The following GPRC6A variants were observed in gnomAD, a reference collection of about 807,000 sequenced individuals.
GPRC6A encodes the protein G protein-coupled receptor family C group 6 member A.
Under a neutral mutation model 47.0 loss-of-function variants are expected in GPRC6A, and 54 were observed. The ratio of observed to expected loss-of-function variants is 1.15; its 90% confidence interval spans 0.92 to 1.44. GPRC6A has a LOEUF of 1.44. Among genes scored for constraint, GPRC6A ranks in the 40% most tolerant of loss-of-function variants. The probability of loss-of-function intolerance (pLI) is 0.00; values close to 1 mark genes in which losing one functional copy is unlikely to be tolerated. For missense variants in GPRC6A, 1,112 were observed against 1,105.5 expected, an observed-to-expected ratio of 1.01 and a Z score of -0.08; for synonymous variants, 347 against 377.1, an observed-to-expected ratio of 0.92 and a Z score of 0.93.
intron 5 of GPRC6A, among the ~76,000 whole-genome samples, chr6:116,794,181 C>T (rs780789224): frequency 3.9e-5 from 6 of 152,178 alleles, no homozygotes; most frequent in Non-Finnish European, 7.4e-5. Flanking sequence ...ACCCCACAGC[C>T]TGTACAACTC....
intron 5 of GPRC6A, among the ~76,000 whole-genome samples, chr6:116,795,447 CT>C (rs1772450023): frequency 6.6e-6 from 1 of 152,094 alleles, no homozygotes; most frequent in African/African-American, 2.4e-5. Context: ...GAGTTGCATA[CT>C]TTAAAAAATA....
rs779610542 is a variant in GPRC6A, at chr6:116,809,548, T to G, written c.264A>C (p.Thr88=). Residue 88 remains threonine, a synonymous_variant, in exon 2 of 6, where the codon ACA becomes ACC. Transcript: ENST00000310357. ...ACCCCAGTTTGACTCCAGGTAAGAG[T>G]GTTGAATTGTTGATCATCTCAATGC... The part of the protein sequence containing the change: ...IHSIEMINNS[T]LLPGVKLGYE... The G allele has an allele frequency of 6.2e-7, 1 of 1,612,294 alleles. No individual in the cohort carries two copies. Among genetic ancestry groups the G allele is most frequent in the Admixed American group, 1.7e-5 (1 of 59,896 alleles).
intron 3 of GPRC6A, among the ~76,000 whole-genome samples, chr6:116,801,039 T>C (rs977021540): frequency 6.6e-5 from 10 of 152,190 alleles, no homozygotes; most frequent in African/African-American, 2.2e-4. Context: ...TTAATTTCTA[T>C]AGATGGTTGT....
At chr6:116,801,056 G>A (rs1772660079) in intron 3 of GPRC6A, among the ~76,000 whole-genome samples, 1 of 152,122 alleles carries the variant, frequency 6.6e-6, no homozygotes, top group African/African-American at 2.4e-5. Flanking sequence ...TTGTTTCTAA[G>A]TATCTTCGTT....
Position 116,797,580 on chromosome 6 carries a change from G to C in GPRC6A, c.1549-1745C>G, listed in dbSNP as rs1329244020. Among the ~76,000 whole-genome samples, 4 of 152,162 alleles carry C rather than the reference G, an allele frequency of 2.6e-5. No individual in the cohort carries two copies. In the East Asian group the frequency reaches 7.7e-4, roughly 29 times the overall value. On this transcript the variant is annotated intron_variant, in intron 4 of 5. Transcript: ENST00000310357. ...ATCAGAAAGGAAGACTTGTCTCTCT[G>C]TTTGTAGTGGTCAGCCTCTTCCATT...
At chr6:116,795,298 C>T (rs950405242) in intron 5 of GPRC6A, among the ~76,000 whole-genome samples, 3 of 152,072 alleles carry the variant, frequency 2.0e-5, no homozygotes, top group African/African-American at 7.2e-5. Context: ...TTCTTAACTC[C>T]GGGTGCCTCT....
intron 1 of GPRC6A, among the ~76,000 whole-genome samples, chr6:116,812,599 T>C (rs1262911940): frequency 6.6e-6 from 1 of 152,104 alleles, no homozygotes; most frequent in Non-Finnish European, 1.5e-5. Flanking sequence ...TAACCTTGGA[T>C]TTAAAAGGAT....
At chr6:116,819,920 G>A (rs568424360) in intron 1 of GPRC6A, among the ~76,000 whole-genome samples, 15 of 149,724 alleles carry the variant, frequency 1.0e-4, no homozygotes, top group East Asian at 7.8e-4. Context: ...GAATCCAGGA[G>A]CTGGTTTTTT....
intron 1 of GPRC6A, among the ~76,000 whole-genome samples, chr6:116,813,572 C>T (rs146102994): frequency 0.25 from 37,685 of 151,842 alleles, 5,184 homozygotes; most frequent in Non-Finnish European, 0.31. Flanking sequence ...AAGCTGAAAC[C>T]GGATCCCTTC....
At chr6:116,821,722 A>T (rs930153724) in intron 1 of GPRC6A, among the ~76,000 whole-genome samples, 1 of 152,038 alleles carries the variant, frequency 6.6e-6, no homozygotes, top group Non-Finnish European at 1.5e-5. Flanking sequence ...ACATGGATTA[A>T]AGACTTAAAC....
intron 1 of GPRC6A, among the ~76,000 whole-genome samples, chr6:116,825,821 A>C (rs1202830295): frequency 1.3e-5 from 2 of 152,058 alleles, no homozygotes; most frequent in Non-Finnish European, 2.9e-5. Flanking sequence ...AGGTTATAGT[A>C]ACCAAAACAG....
At chr6:116,799,201 T>A (rs1488013420) in intron 4 of GPRC6A, among the ~76,000 whole-genome samples, 1 of 152,172 alleles carries the variant, frequency 6.6e-6, no homozygotes, top group African/African-American at 2.4e-5. Context: ...CAGGTAGAGA[T>A]GTCAACTAGG....
chr6:116,806,795 T>C lies in GPRC6A; in HGVS notation c.910A>G (p.Asn304Asp). 1 of 1,613,610 alleles carries C rather than the reference T, an allele frequency of 6.2e-7. No individual in the cohort carries two copies. ...NINKMWIASD[N>D]WSTATKITTI... ...GTAATCTTGGTGGCAGTTGACCAAT[T>C]ATCACTAGCAATCCACATCTTATTT... Residue 304 changes from asparagine (N) to aspartate (D), a missense_variant, in exon 3 of 6, where the codon AAT becomes GAT. Transcript: ENST00000310357.
At chr6:116,821,105 C>A (rs1450645323) in intron 1 of GPRC6A, among the ~76,000 whole-genome samples, 1 of 150,678 alleles carries the variant, frequency 6.6e-6, no homozygotes, top group African/African-American at 2.4e-5. Context: ...AACTCCCATT[C>A]ACAATTGCTT....
chr6:116,814,639 A>G (rs200530080), intron 1 of GPRC6A, among the ~76,000 whole-genome samples: 3 of 152,168 alleles, frequency 2.0e-5, no homozygotes, highest in Non-Finnish European at 1.5e-5. Flanking sequence ...GCATTAGGAG[A>G]AATACTTAAT....
chr6:116,816,772 A>T (rs1026266159), intron 1 of GPRC6A, among the ~76,000 whole-genome samples: 39 of 152,118 alleles, frequency 2.6e-4, no homozygotes, highest in East Asian at 7.7e-4. Context: ...AAGAAAGGGG[A>T]GACGGACGCA....
chr6:116,828,718 T>A, intron 1 of GPRC6A, 102 bp downstream of exon 1: 1 of 984,930 alleles, frequency 1.0e-6, no homozygotes, highest in Non-Finnish European at 1.5e-6. Flanking sequence ...CATATGAGTT[T>A]ATTTTTTTAA....
At chr6:116,818,969 C>G (rs931066402) in intron 1 of GPRC6A, among the ~76,000 whole-genome samples, 1 of 151,996 alleles carries the variant, frequency 6.6e-6, no homozygotes, top group Non-Finnish European at 1.5e-5. Context: ...ACCCATCTCA[C>G]GTGCAGAGAC....
chr6:116,809,539 A>G lies in GPRC6A; in HGVS notation c.273T>C (p.Pro91=), dbSNP rs1285417644. The G allele has an allele frequency of 1.9e-6, 3 of 1,612,796 alleles. No homozygotes were observed. The South Asian group carries it at 3.3e-5, about 18-fold the overall frequency. The part of the protein sequence containing the change: ...IEMINNSTLL[P]GVKLGYEIYD... ...AGATTTCATACCCCAGTTTGACTCCAGGTAAGAGTGTTGAATTGTTGATCA... is the reference window on the plus strand; with the variant it reads ...AGATTTCATACCCCAGTTTGACTCCGGGTAAGAGTGTTGAATTGTTGATCA... The change falls in exon 2 of 6, where the codon CCT becomes CCC. Residue 91 remains proline (P), a synonymous_variant. Transcript: ENST00000310357.
Sources: gnomAD v4.1 joint callset for allele counts (sites outside exome capture counted in the v4.1 genomes callset) on GRCh38, gnomAD v4.1.1 for gene constraint, MANE v1.5 for transcripts, NCBI Gene and HGNC (gene_info 2026-07-23, HGNC 2026-07-21) for gene names.